HS6ST3: variants seen among roughly 807,000 people sequenced by gnomAD.
HS6ST3 encodes heparan-sulfate 6-O-sulfotransferase 3.
In HS6ST3, 12 loss-of-function variants were observed where a neutral mutation model predicts 36.7. That is an observed-to-expected ratio of 0.33 (90% CI 0.21 to 0.53). The LOEUF is 0.53. Among genes scored for constraint, HS6ST3 ranks in the 20% least tolerant of loss-of-function variants. The probability of loss-of-function intolerance (pLI) is 0.95; values close to 1 mark genes in which losing one functional copy is unlikely to be tolerated. For synonymous variants in HS6ST3, 240 were observed against 257.5 expected, an observed-to-expected ratio of 0.93 and a Z score of 0.65; for missense variants, 584 against 640.9, an observed-to-expected ratio of 0.91 and a Z score of 0.96.
chr13:96,440,194 C>T (rs1042332597), intron 1 of HS6ST3, among the ~76,000 whole-genome samples: 1 of 152,168 alleles, frequency 6.6e-6, no homozygotes, highest in Non-Finnish European at 1.5e-5. Context: ...CGCCTATAAT[C>T]CCAGCACTTT....
At chr13:96,546,524 T>G (rs947365510) in intron 1 of HS6ST3, among the ~76,000 whole-genome samples, 1 of 152,142 alleles carries the variant, frequency 6.6e-6, no homozygotes, top group Non-Finnish European at 1.5e-5. Context: ...CCATGGCCTG[T>G]TTTTATGTTC....
intron 1 of HS6ST3, among the ~76,000 whole-genome samples, chr13:96,398,960 C>T (rs931557854): frequency 1.3e-5 from 2 of 152,306 alleles, no homozygotes; most frequent in African/African-American, 4.8e-5. Context: ...TGAGGTCCCC[C>T]AGTTCAGAAC....
At chr13:96,615,532 C>T (rs1382026788) in intron 1 of HS6ST3, among the ~76,000 whole-genome samples, 1 of 152,152 alleles carries the variant, frequency 6.6e-6, no homozygotes, top group Non-Finnish European at 1.5e-5. Flanking sequence ...CTGTATATAT[C>T]ACTAGATTTT....
chr13:96,792,345 C>G (rs1877810827), intron 1 of HS6ST3, among the ~76,000 whole-genome samples: 2 of 151,868 alleles, frequency 1.3e-5, no homozygotes, highest in Non-Finnish European at 2.9e-5. Context: ...CCTAGCACAT[C>G]TTGACATTTT....
chr13:96,355,479 A>G (rs1274598577), intron 1 of HS6ST3, among the ~76,000 whole-genome samples: 1 of 152,144 alleles, frequency 6.6e-6, no homozygotes, highest in Non-Finnish European at 1.5e-5. Flanking sequence ...TAAAGTAAAT[A>G]TAGCAATAAA....
chr13:96,776,632 A>C (rs991440496), intron 1 of HS6ST3, among the ~76,000 whole-genome samples: 1 of 152,212 alleles, frequency 6.6e-6, no homozygotes, highest in Non-Finnish European at 1.5e-5. Context: ...CCCTCGCAAG[A>C]CTAAACCAGG....
chr13:96,280,309 T>A (rs1293656314), intron 1 of HS6ST3, among the ~76,000 whole-genome samples: 3 of 152,152 alleles, frequency 2.0e-5, no homozygotes, highest in Admixed American at 2.0e-4. Context: ...TGCCAAAAAA[T>A]TGCCAATGAA....
chr13:96,678,915 A>C (rs1433162145), intron 1 of HS6ST3, among the ~76,000 whole-genome samples: 1 of 152,000 alleles, frequency 6.6e-6, no homozygotes, highest in Non-Finnish European at 1.5e-5. Context: ...ACAGAGAACA[A>C]AGACAGCAGA....
intron 1 of HS6ST3, among the ~76,000 whole-genome samples, chr13:96,627,419 G>A (rs2056516822): frequency 6.6e-6 from 1 of 151,866 alleles, no homozygotes; most frequent in African/African-American, 2.4e-5. Context: ...GATTTTACTT[G>A]CAAATGTTTG....
At chr13:96,707,297 A>G (rs558618022) in intron 1 of HS6ST3, among the ~76,000 whole-genome samples, 59 of 152,192 alleles carry the variant, frequency 3.9e-4, no homozygotes, top group Non-Finnish European at 6.8e-4. Context: ...GGCTGTCTGT[A>G]AATTGGAAAG....
intron 1 of HS6ST3, among the ~76,000 whole-genome samples, chr13:96,226,635 T>C (rs2054482367): frequency 6.6e-6 from 1 of 152,254 alleles, no homozygotes; most frequent in Non-Finnish European, 1.5e-5. Flanking sequence ...ACACATACTA[T>C]TTAAATGGAA....
intron 1 of HS6ST3, among the ~76,000 whole-genome samples, chr13:96,409,822 A>C (rs1455129831): frequency 1.3e-5 from 2 of 152,174 alleles, no homozygotes; most frequent in Non-Finnish European, 2.9e-5. Context: ...CCACAAACAG[A>C]AAGCCCCTAA....
intron 1 of HS6ST3, among the ~76,000 whole-genome samples, chr13:96,334,368 G>A (rs1240807231): frequency 2.0e-5 from 3 of 152,070 alleles, no homozygotes; most frequent in Admixed American, 6.6e-5. Context: ...TCCACCATGA[G>A]TGAAAGATCC....
chr13:96,561,514 A>G (rs573002256), intron 1 of HS6ST3, among the ~76,000 whole-genome samples: 2 of 152,298 alleles, frequency 1.3e-5, no homozygotes, highest in South Asian at 2.1e-4. Context: ...CAATTCCTCA[A>G]TAAAAACAAA....
chr13:96,299,325 A>G (rs1422594799), intron 1 of HS6ST3, among the ~76,000 whole-genome samples: 2 of 152,196 alleles, frequency 1.3e-5, no homozygotes, highest in South Asian at 2.1e-4. Flanking sequence ...TGCTTTGCAC[A>G]TGGCGGAAGC....
chr13:96,461,057 G>A (rs2055781910), intron 1 of HS6ST3, among the ~76,000 whole-genome samples: 1 of 152,198 alleles, frequency 6.6e-6, no homozygotes, highest in Admixed American at 6.5e-5. Flanking sequence ...AATTTACTTT[G>A]CTGCAGAATG....
chr13:96,506,183 G>A (rs531479838), intron 1 of HS6ST3, among the ~76,000 whole-genome samples: 2 of 152,164 alleles, frequency 1.3e-5, no homozygotes, highest in East Asian at 3.9e-4. Flanking sequence ...CCGTATAGTT[G>A]GCAGTGATAA....
rs189503607 is a variant in HS6ST3 at position 96,566,795 on chromosome 13, G to T, written c.708-265695G>T. Among the ~76,000 whole-genome samples the T allele has an allele frequency of 2.6e-5, 4 of 152,254 alleles. No individual in the cohort carries two copies. The East Asian group carries it at 7.7e-4, about 29-fold the overall frequency. ...TGGGGAAGGAAAGTGTTGTGACTGA[G>T]TTAAGGGTTCAACCACAAGCATGTC... On this transcript the variant is annotated intron_variant, in intron 1 of 1. Coordinates refer to ENST00000376705, the MANE Select transcript of HS6ST3 (RefSeq NM_153456.4).
chr13:96,480,031 C>T (rs2055882853), intron 1 of HS6ST3, among the ~76,000 whole-genome samples: 1 of 152,150 alleles, frequency 6.6e-6, no homozygotes, highest in African/African-American at 2.4e-5. Flanking sequence ...TTTCTGTGTG[C>T]TCAGGAGTGG....
Sources: gnomAD v4.1 joint callset for allele counts (sites outside exome capture counted in the v4.1 genomes callset) on GRCh38, gnomAD v4.1.1 for gene constraint, MANE v1.5 for transcripts, NCBI Gene and HGNC (gene_info 2026-07-23, HGNC 2026-07-21) for gene names.